The following FGGY variants were observed in gnomAD, a reference collection of about 807,000 sequenced individuals.
FGGY encodes FGGY carbohydrate kinase domain containing.
A neutral mutation model predicts 71.3 loss-of-function variants in FGGY; 72 were observed. That is an observed-to-expected ratio of 1.01 (90% CI 0.84 to 1.23). The LOEUF (loss-of-function observed/expected upper bound fraction) is 1.23, where lower values mean the gene tolerates loss of function less well. Among genes scored for constraint, FGGY ranks in the 50% most tolerant of loss-of-function variants. FGGY has a pLI of 0.00. For synonymous variants in FGGY, 251 were observed against 250.3 expected, an observed-to-expected ratio of 1.00 and a Z score of -0.02; for missense variants, 668 against 682.3, an observed-to-expected ratio of 0.98 and a Z score of 0.23.
chr1:59,618,400 A>G (rs1371580080), intron 9 of FGGY, among the ~76,000 whole-genome samples: 1 of 152,106 alleles, frequency 6.6e-6, no homozygotes, highest in Non-Finnish European at 1.5e-5. Flanking sequence ...TCTTACAGTT[A>G]TAAGTAGGAG....
chr1:59,563,133 G>A (rs1252064068), intron 8 of FGGY, among the ~76,000 whole-genome samples: 1 of 152,150 alleles, frequency 6.6e-6, no homozygotes, highest in African/African-American at 2.4e-5. Context: ...CCAATAGTAT[G>A]TTGAATAGGA....
At chr1:59,320,193 TG>T in intron 1 of FGGY, among the ~76,000 whole-genome samples, 1 of 152,350 alleles carries the variant, frequency 6.6e-6, no homozygotes, top group African/African-American at 2.4e-5. Flanking sequence ...GGGACAATTC[TG>T]TTGGGAAATC....
intron 6 of FGGY, among the ~76,000 whole-genome samples, chr1:59,477,520 G>A (rs1227924018): frequency 2.0e-5 from 3 of 152,166 alleles, no homozygotes; most frequent in Non-Finnish European, 4.4e-5. Context: ...GCGTGAGGAG[G>A]TAGTGAGTCA....
At chr1:59,756,233 C>A (rs1266038136) in intron 14 of FGGY, among the ~76,000 whole-genome samples, 1 of 152,146 alleles carries the variant, frequency 6.6e-6, no homozygotes, top group Non-Finnish European at 1.5e-5. Flanking sequence ...AAATCTCCTC[C>A]CTACTTAAGG....
intron 7 of FGGY, among the ~76,000 whole-genome samples, chr1:59,544,707 G>C (rs1379861475): frequency 6.6e-6 from 1 of 152,204 alleles, no homozygotes; most frequent in Non-Finnish European, 1.5e-5. Context: ...AGAAAAGTGA[G>C]TTTCGAAGAG....
chr1:59,299,298 C>T (rs1357895788), intron 1 of FGGY, among the ~76,000 whole-genome samples: 1 of 152,132 alleles, frequency 6.6e-6, no homozygotes, highest in East Asian at 1.9e-4. Context: ...AATCACCTGA[C>T]AGGAGGCTGG....
chr1:59,362,959 T>G (rs1228808820), intron 4 of FGGY, among the ~76,000 whole-genome samples: 1 of 152,166 alleles, frequency 6.6e-6, no homozygotes, highest in African/African-American at 2.4e-5. Context: ...AATATTTTAC[T>G]TGAAAAATAG....
At chr1:59,741,366 T>C (rs1055532392) in intron 14 of FGGY, among the ~76,000 whole-genome samples, 8 of 152,172 alleles carry the variant, frequency 5.3e-5, no homozygotes, top group African/African-American at 1.7e-4. Context: ...TAAAGGTGTG[T>C]AGTACCTCCC....
intron 5 of FGGY, among the ~76,000 whole-genome samples, chr1:59,397,026 C>T (rs1401281870): frequency 7.0e-6 from 1 of 141,850 alleles, no homozygotes; most frequent in Non-Finnish European, 1.5e-5. Flanking sequence ...TGCATTATGT[C>T]TTGAGTCTGC....
intron 7 of FGGY, among the ~76,000 whole-genome samples, chr1:59,534,540 A>G (rs1475049535): frequency 6.6e-6 from 1 of 152,126 alleles, no homozygotes; most frequent in Non-Finnish European, 1.5e-5. Flanking sequence ...CAGATTCACC[A>G]AAGTTGAAAT....
intron 6 of FGGY, among the ~76,000 whole-genome samples, chr1:59,486,920 C>G (rs754523296): frequency 6.6e-5 from 10 of 152,138 alleles, no homozygotes; most frequent in Non-Finnish European, 1.5e-4. Flanking sequence ...TCCGGTATTT[C>G]TTTTTTCCCT....
At chr1:59,300,342 A>C (rs1318270408) in intron 1 of FGGY, among the ~76,000 whole-genome samples, 1 of 151,960 alleles carries the variant, frequency 6.6e-6, no homozygotes, top group African/African-American at 2.4e-5. Context: ...TGAGCCTTTT[A>C]TTTTCTTTTT....
intron 7 of FGGY, among the ~76,000 whole-genome samples, chr1:59,545,381 A>G (rs369422978): frequency 4.0e-4 from 61 of 152,162 alleles, no homozygotes; most frequent in African/African-American, 1.3e-3. Context: ...TTTAATTTTT[A>G]CAAAGTAATT....
At chr1:59,365,275 G>A (rs111539528) in intron 4 of FGGY, among the ~76,000 whole-genome samples, 5 of 152,282 alleles carry the variant, frequency 3.3e-5, no homozygotes, top group African/African-American at 1.2e-4. Flanking sequence ...AAGAAAAGGA[G>A]CCCATGAAGG....
At chr1:59,446,300 C>T (rs1343231518) in intron 5 of FGGY, among the ~76,000 whole-genome samples, 2 of 152,100 alleles carry the variant, frequency 1.3e-5, no homozygotes, top group Admixed American at 6.6e-5. Flanking sequence ...TCCCTCAACT[C>T]GATTATTTAT....
intron 7 of FGGY, among the ~76,000 whole-genome samples, chr1:59,553,365 C>T (rs2153704668): frequency 6.6e-6 from 1 of 152,330 alleles, no homozygotes; most frequent in African/African-American, 2.4e-5. Context: ...GAATACAATT[C>T]CAGGCCCTAA....
At chr1:59,643,753 G>C (rs1198443574) in intron 11 of FGGY, among the ~76,000 whole-genome samples, 1 of 152,166 alleles carries the variant, frequency 6.6e-6, no homozygotes, top group Non-Finnish European at 1.5e-5. Flanking sequence ...AACATTTTGA[G>C]GATAGGAGCA....
chr1:59,611,538 A>G (rs1320067329), intron 9 of FGGY, among the ~76,000 whole-genome samples: 1 of 152,206 alleles, frequency 6.6e-6, no homozygotes, highest in East Asian at 1.9e-4. Flanking sequence ...ATAAAACCAC[A>G]AAGATGGGGA....
intron 9 of FGGY, among the ~76,000 whole-genome samples, chr1:59,616,319 A>G (rs2096753524): frequency 6.6e-6 from 1 of 152,120 alleles, no homozygotes; most frequent in South Asian, 2.1e-4. Context: ...AAATGAGTTC[A>G]TGTCCTTTGT....
Sources: allele counts gnomAD v4.1 joint callset (sites outside exome capture counted in the v4.1 genomes callset), GRCh38; gene constraint gnomAD v4.1.1; transcripts MANE v1.5; gene names NCBI Gene and HGNC (gene_info 2026-07-23, HGNC 2026-07-21).